SAMD4A: variants seen among roughly 807,000 people sequenced by gnomAD.
SAMD4A encodes protein Smaug homolog 1.
SAMD4A carries 33 observed loss-of-function variants against 81.3 expected under a neutral mutation model. The observed-to-expected ratio is 0.41, with a 90% CI of 0.31 to 0.54. The LOEUF is 0.54. SAMD4A is among the 20% of genes least tolerant of loss of function. The probability of loss-of-function intolerance (pLI) is 0.37; values close to 1 mark genes in which losing one functional copy is unlikely to be tolerated. For synonymous variants in SAMD4A, 389 were observed against 382.1 expected (o/e 1.02, Z -0.21); for missense variants, 854 against 951.1 (o/e 0.90, Z 1.34).
At chr14:54,633,535 G>A (rs995303234) in intron 2 of SAMD4A, among the ~76,000 whole-genome samples, 1 of 152,086 alleles carries the variant, frequency 6.6e-6, no homozygotes, top group African/African-American at 2.4e-5. Flanking sequence ...TTAGTTAGGA[G>A]CTAATGCCAT....
intron 7 of SAMD4A, among the ~76,000 whole-genome samples, chr14:54,763,885 C>T (rs1022941802): frequency 6.6e-6 from 1 of 152,154 alleles, no homozygotes; most frequent in African/African-American, 2.4e-5. Context: ...GGTGAGCCTG[C>T]GCCTGTGTGT....
At chr14:54,674,361 A>G (rs1216074939) in intron 2 of SAMD4A, among the ~76,000 whole-genome samples, 5 of 152,362 alleles carry the variant, frequency 3.3e-5, no homozygotes, top group Admixed American at 6.5e-5. Flanking sequence ...AAAAAGTAAG[A>G]CTGTAAAAGC....
At chr14:54,692,747 A>G (rs1364322093) in intron 2 of SAMD4A, among the ~76,000 whole-genome samples, 1 of 151,996 alleles carries the variant, frequency 6.6e-6, no homozygotes, top group African/African-American at 2.4e-5. Flanking sequence ...GGTGTAAAAA[A>G]CTAGTCGAGT....
At chr14:54,577,188 T>G (rs2033323932) in intron 2 of SAMD4A, among the ~76,000 whole-genome samples, 1 of 152,234 alleles carries the variant, frequency 6.6e-6, no homozygotes, top group African/African-American at 2.4e-5. Context: ...GTATCCATTA[T>G]TCCCCTCTCC....
chr14:54,690,444 C>G (rs1386875246), intron 2 of SAMD4A, among the ~76,000 whole-genome samples: 1 of 150,558 alleles, frequency 6.6e-6, no homozygotes. Flanking sequence ...TTTTTTTCTG[C>G]CAAATAATGT....
At chr14:54,707,569 TATAA>T (rs1258659128) in intron 3 of SAMD4A, among the ~76,000 whole-genome samples, 3 of 152,120 alleles carry the variant, frequency 2.0e-5, no homozygotes, top group Non-Finnish European at 2.9e-5. Context: ...AATTGTAGTA[TATAA>T]ATAAAGTATA....
intron 2 of SAMD4A, among the ~76,000 whole-genome samples, chr14:54,690,835 CTT>C (rs917762579): frequency 1.2e-4 from 19 of 152,192 alleles, no homozygotes; most frequent in African/African-American, 4.3e-4. Context: ...TAGAAGTTAG[CTT>C]TGTCTTTCTC....
At chr14:54,750,680 C>T (rs559432894) in intron 5 of SAMD4A, among the ~76,000 whole-genome samples, 344 of 152,312 alleles carry the variant, frequency 2.3e-3, no homozygotes, top group African/African-American at 7.8e-3. Context: ...CTCTACTGGG[C>T]TGCTCATCTT....
chr14:54,709,875 C>T (rs61976985), intron 3 of SAMD4A, among the ~76,000 whole-genome samples: 9,048 of 152,244 alleles, frequency 0.059, 367 homozygotes, highest in Non-Finnish European at 0.084. Flanking sequence ...ATAAGTATTT[C>T]CTGGCTTTCT....
chr14:54,785,071 T>C, intron 12 of SAMD4A, among the ~76,000 whole-genome samples: 1 of 152,232 alleles, frequency 6.6e-6, no homozygotes, highest in South Asian at 2.1e-4. Flanking sequence ...CCAGCTTGCC[T>C]TAGAAATATA....
upstream of SAMD4A, among the ~76,000 whole-genome samples, chr14:54,566,030 C>T (rs1394602763): frequency 6.6e-6 from 1 of 152,126 alleles, no homozygotes; most frequent in African/African-American, 2.4e-5. Flanking sequence ...TCCCCCCGCT[C>T]GGGCGCTCCC....
At chr14:54,621,198 G>C (rs914014677) in intron 2 of SAMD4A, among the ~76,000 whole-genome samples, 2 of 152,170 alleles carry the variant, frequency 1.3e-5, no homozygotes, top group African/African-American at 4.8e-5. Context: ...TTTTCAAATA[G>C]CAACTCTTGA....
chr14:54,602,686 T>C (rs1378526268), intron 2 of SAMD4A, among the ~76,000 whole-genome samples: 2 of 151,560 alleles, frequency 1.3e-5, no homozygotes, highest in African/African-American at 2.4e-5. Context: ...TTAGGAGATA[T>C]ACCTAATGTA....
At chr14:54,692,610 G>A (rs2036469124) in intron 2 of SAMD4A, among the ~76,000 whole-genome samples, 1 of 152,154 alleles carries the variant, frequency 6.6e-6, no homozygotes, top group Non-Finnish European at 1.5e-5. Context: ...TACTATTGGA[G>A]TGTCACTCTG....
At chr14:54,587,923 C>G (rs979848853) in intron 2 of SAMD4A, among the ~76,000 whole-genome samples, 4 of 152,150 alleles carry the variant, frequency 2.6e-5, no homozygotes, top group Admixed American at 6.5e-5. Context: ...GGAGGATTCC[C>G]TCTTTCTCTA....
chr14:54,661,859 A>G (rs1451851039), intron 2 of SAMD4A, among the ~76,000 whole-genome samples: 1 of 152,198 alleles, frequency 6.6e-6, no homozygotes, highest in Non-Finnish European at 1.5e-5. Flanking sequence ...AATGCTTATC[A>G]TCTGAGAGAG....
chr14:54,698,131 G>A (rs1315183937), intron 2 of SAMD4A, among the ~76,000 whole-genome samples: 1 of 152,202 alleles, frequency 6.6e-6, no homozygotes, highest in Non-Finnish European at 1.5e-5. Flanking sequence ...AAAGAGGTGT[G>A]TCAAATAAAT....
At chr14:54,654,979 C>T (rs140032074) in intron 2 of SAMD4A, among the ~76,000 whole-genome samples, 11 of 152,278 alleles carry the variant, frequency 7.2e-5, no homozygotes, top group African/African-American at 2.6e-4. Flanking sequence ...ATAAATTAGG[C>T]TGGATGACCA....
intron 2 of SAMD4A, among the ~76,000 whole-genome samples, chr14:54,664,127 C>A (rs2035704376): frequency 6.6e-6 from 1 of 152,106 alleles, no homozygotes; most frequent in Non-Finnish European, 1.5e-5. Flanking sequence ...AGGAGAAAGT[C>A]AAAAATCTAG....
Sources: allele counts gnomAD v4.1 joint callset (sites outside exome capture counted in the v4.1 genomes callset), GRCh38; gene constraint gnomAD v4.1.1; transcripts MANE v1.5; gene names NCBI Gene and HGNC (gene_info 2026-07-23, HGNC 2026-07-21).